The following BMPR1B variants were observed in gnomAD, a reference collection of about 807,000 sequenced individuals.
BMPR1B encodes the protein bone morphogenetic protein receptor type 1B.
In BMPR1B, 12 loss-of-function variants were observed where a neutral mutation model predicts 59.1. The observed-to-expected ratio is 0.20, with a 90% CI of 0.13 to 0.33. BMPR1B has a LOEUF of 0.33. BMPR1B is among the 10% of genes least tolerant of loss of function. The pLI is 1.00. For missense variants in BMPR1B, 550 were observed against 610.9 expected (o/e 0.90, Z 1.05); for synonymous variants, 237 against 207.3 (o/e 1.14, Z -1.23).
At chr4:95,076,309 G>A (rs1420880539) in intron 3 of BMPR1B, among the ~76,000 whole-genome samples, 2 of 151,952 alleles carry the variant, frequency 1.3e-5, no homozygotes, top group Non-Finnish European at 2.9e-5. Context: ...TTATAATAAT[G>A]TATGTATTTG....
At chr4:94,770,810 A>G (rs1167724438) in intron 1 of BMPR1B, among the ~76,000 whole-genome samples, 1 of 151,490 alleles carries the variant, frequency 6.6e-6, no homozygotes, top group African/African-American at 2.4e-5. Flanking sequence ...TTTAAAAAAA[A>G]TCCAGTGGAT....
At chr4:94,895,264 C>T (rs17022481) in intron 2 of BMPR1B, among the ~76,000 whole-genome samples, 4,345 of 152,036 alleles carry the variant, frequency 0.029, 198 homozygotes, top group African/African-American at 0.099. Flanking sequence ...GATGGCAGCA[C>T]AGAGGTGAAT....
intron 3 of BMPR1B, among the ~76,000 whole-genome samples, chr4:95,055,560 G>A (rs1215056788): frequency 6.6e-6 from 1 of 152,126 alleles, no homozygotes; most frequent in Non-Finnish European, 1.5e-5. Context: ...CTTAATCTCA[G>A]GCTATTAATC....
At chr4:95,005,153 C>A (rs1722731011) in intron 3 of BMPR1B, among the ~76,000 whole-genome samples, 1 of 151,992 alleles carries the variant, frequency 6.6e-6, no homozygotes, top group Admixed American at 6.6e-5. Context: ...GTGTATGTTC[C>A]TTCTAGTTAA....
intron 3 of BMPR1B, among the ~76,000 whole-genome samples, chr4:95,061,292 A>G (rs901422457): frequency 3.9e-5 from 6 of 152,036 alleles, no homozygotes; most frequent in African/African-American, 1.4e-4. Context: ...AGGCATTCCA[A>G]ATGCTTGGGA....
rs149393485 is a variant in BMPR1B, at chr4:94,778,434, T to G, written c.-183+20366T>G. 2.6e-3 allele frequency among the ~76,000 whole-genome samples: 391 copies of G among 152,324 alleles called. 1 individual carries two copies. Among genetic ancestry groups the G allele is most frequent in the Non-Finnish European group, 4.3e-3 (292 of 68,008 alleles). ...ATGTATTTCACTTTCTTTCATTGCT[T>G]TGTGATACACTGTTGGGGGAATAGA... On this transcript the variant is annotated intron_variant, in intron 1 of 12. Transcript: ENST00000515059.
chr4:95,054,780 AGACT>A (rs1484628349), intron 3 of BMPR1B, among the ~76,000 whole-genome samples: 1 of 152,192 alleles, frequency 6.6e-6, no homozygotes, highest in Non-Finnish European at 1.5e-5. Flanking sequence ...TAAAGATGGT[AGACT>A]GACAGACCTA....
At chr4:94,947,916 A>G (rs1729780807) in intron 2 of BMPR1B, among the ~76,000 whole-genome samples, 2 of 152,234 alleles carry the variant, frequency 1.3e-5, no homozygotes, top group African/African-American at 2.4e-5. Flanking sequence ...TTCAGACCAT[A>G]TTATGACTAC....
At chr4:94,815,947 T>C (rs568174951) in intron 1 of BMPR1B, among the ~76,000 whole-genome samples, 3 of 152,334 alleles carry the variant, frequency 2.0e-5, no homozygotes, top group Admixed American at 6.5e-5. Flanking sequence ...AGAGATCTTA[T>C]ATATTATCCT....
chr4:94,921,228 C>T (rs904561562), intron 2 of BMPR1B, among the ~76,000 whole-genome samples: 1 of 152,044 alleles, frequency 6.6e-6, no homozygotes, highest in South Asian at 2.1e-4. Flanking sequence ...TCAGAGTGCA[C>T]TGTTAGCTTG....
At chr4:94,812,602 C>T (rs1723860907) in intron 1 of BMPR1B, among the ~76,000 whole-genome samples, 1 of 152,092 alleles carries the variant, frequency 6.6e-6, no homozygotes, top group Admixed American at 6.6e-5. Context: ...ATAATCAGAT[C>T]TCTAATTTTA....
At chr4:94,812,630 G>A (rs1379626692) in intron 1 of BMPR1B, among the ~76,000 whole-genome samples, 2 of 152,110 alleles carry the variant, frequency 1.3e-5, no homozygotes, top group Non-Finnish European at 2.9e-5. Context: ...AACCCTGTTA[G>A]CCCTGCAAAT....
intron 2 of BMPR1B, among the ~76,000 whole-genome samples, chr4:94,919,321 A>G (rs538402217): frequency 5.9e-5 from 9 of 152,282 alleles, no homozygotes; most frequent in African/African-American, 2.2e-4. Context: ...TCTTAGAGCA[A>G]TTGCTCTCAA....
intron 1 of BMPR1B, among the ~76,000 whole-genome samples, chr4:94,859,134 A>G (rs929668192): frequency 6.6e-6 from 1 of 152,186 alleles, no homozygotes; most frequent in Admixed American, 6.5e-5. Context: ...GTCCCATCAG[A>G]CTGTCTAGAG....
intron 2 of BMPR1B, among the ~76,000 whole-genome samples, chr4:94,963,234 C>G (rs1009266675): frequency 1.3e-5 from 2 of 152,032 alleles, no homozygotes; most frequent in African/African-American, 4.8e-5. Context: ...CTTGTATCTT[C>G]TGGTTATTAA....
chr4:95,123,810 A>G lies in BMPR1B; in HGVS notation c.350A>G (p.Asp117Gly). The change falls in exon 7 of 13, where the codon GAT becomes GGT. Residue 117 changes from aspartate to glycine, a missense_variant and splice_region_variant. Physicochemically the swap from Asp to Gly is moderately conservative, Grantham distance 94. Around this residue, in one of 6 missense-constraint regions of BMPR1B, gnomAD observed 20 missense variants for 39.9 expected, o/e 0.50. Coordinates refer to ENST00000515059, the MANE Select transcript of BMPR1B (RefSeq NM_001203.3). ...TGGCTCTTTTTCTTTTTAATTTCAG[A>G]TTTTGTTGATGGACCTATACACCAC... ...HPTLPPLKNRDFVDGPIHHRA... is the reference protein window; with the variant it reads ...HPTLPPLKNRGFVDGPIHHRA... The G allele has an allele frequency of 6.2e-7, 1 of 1,602,302 alleles. No individual in the cohort carries two copies.
chr4:94,925,319 A>G (rs1296143), intron 2 of BMPR1B, among the ~76,000 whole-genome samples: 148,856 of 152,238 alleles, frequency 0.98, 72,785 homozygotes, highest in Middle Eastern at 1. Flanking sequence ...GAAAAAAAGG[A>G]ATGGACATAG....
intron 9 of BMPR1B, among the ~76,000 whole-genome samples, chr4:95,130,827 T>TTAAAGCAA (rs1733296248): frequency 6.8e-6 from 1 of 147,264 alleles, no homozygotes; most frequent in Non-Finnish European, 1.5e-5. Flanking sequence ...GCTTCCCAGG[T>TTAAAGCAA]TAAAGCAATT....
At chr4:94,976,063 G>C (rs192189674) in intron 2 of BMPR1B, among the ~76,000 whole-genome samples, 1 of 152,188 alleles carries the variant, frequency 6.6e-6, no homozygotes, top group African/African-American at 2.4e-5. Flanking sequence ...GTCAGGCAGC[G>C]ACTAGAGTTG....
Sources: gnomAD v4.1 joint callset for allele counts (sites outside exome capture counted in the v4.1 genomes callset) on GRCh38, gnomAD v4.1.1 for gene constraint, gnomAD v4.1.1 regional missense constraint, MANE v1.5 for transcripts, NCBI Gene and HGNC (gene_info 2026-07-23, HGNC 2026-07-21) for gene names.